The following ARMC2 variants were observed in gnomAD, a reference collection of about 807,000 sequenced individuals.
ARMC2 encodes the protein armadillo repeat containing 2.
In ARMC2, 67 loss-of-function variants were observed where a neutral mutation model predicts 90.3. That is an observed-to-expected ratio of 0.74 (90% CI 0.61 to 0.91). The LOEUF (loss-of-function observed/expected upper bound fraction) is 0.91. Among genes scored for constraint, ARMC2 ranks in the 40% least tolerant of loss-of-function variants. The probability of loss-of-function intolerance (pLI) is 0.00; values close to 1 mark genes in which losing one functional copy is unlikely to be tolerated. For missense variants in ARMC2, 920 were observed against 1,030.9 expected, an observed-to-expected ratio of 0.89 and a Z score of 1.47; for synonymous variants, 393 against 393.0, an observed-to-expected ratio of 1.00 and a Z score of 0.00.
chr6:109,035,510 T>C, the ARMC2 span, among the ~76,000 whole-genome samples: 5 of 151,760 alleles, frequency 3.3e-5, no homozygotes, highest in Non-Finnish European at 7.4e-5. Flanking sequence ...TTCAGGACTC[T>C]TGGGGACAAA....
the ARMC2 span, among the ~76,000 whole-genome samples, chr6:109,022,336 C>T: frequency 6.9e-6 from 1 of 144,988 alleles, no homozygotes; most frequent in East Asian, 2.1e-4. Flanking sequence ...AGAAGCAGGG[C>T]AATGCTATAC....
chr6:108,862,156 C>T (rs1775307969), intron 3 of ARMC2, among the ~76,000 whole-genome samples: 1 of 151,872 alleles, frequency 6.6e-6, no homozygotes, highest in South Asian at 2.1e-4. Context: ...CCAGCCTGGC[C>T]AACATGGTGA....
At chr6:109,044,732 AGCTGAACTCAGCCGGGCGCAGTGGCTCAC>A in the ARMC2 span, among the ~76,000 whole-genome samples, 51 of 152,272 alleles carry the variant, frequency 3.3e-4, no homozygotes, top group African/African-American at 1.2e-3. Flanking sequence ...AAAAATAAAA[AGCTGAACTCAGCCGGGCGCAGTGGCTCAC>A]GCCTGTAATC....
At chr6:109,041,323 T>C in the ARMC2 span, among the ~76,000 whole-genome samples, 1 of 151,612 alleles carries the variant, frequency 6.6e-6, no homozygotes, top group South Asian at 2.1e-4. Flanking sequence ...AAATAATAAT[T>C]TAAAAAAATA....
intron 17 of ARMC2, among the ~76,000 whole-genome samples, chr6:108,966,382 G>A (rs1778375643): frequency 6.6e-6 from 1 of 152,072 alleles, no homozygotes; most frequent in Admixed American, 6.6e-5. Flanking sequence ...CAGATTGCAG[G>A]GTGATAAATG....
chr6:109,051,418 T>A, the ARMC2 span, among the ~76,000 whole-genome samples: 1 of 152,348 alleles, frequency 6.6e-6, no homozygotes, highest in South Asian at 2.1e-4. Flanking sequence ...TGCAACATTG[T>A]ATATTAGTGA....
the ARMC2 span, chr6:108,999,831 A>G: frequency 6.6e-6 from 1 of 152,194 alleles, no homozygotes; most frequent in African/African-American, 2.4e-5. Flanking sequence ...AAACCTATAC[A>G]TGAATGTTTA....
At chr6:108,929,602 C>G (rs1235334380) in intron 11 of ARMC2, among the ~76,000 whole-genome samples, 1 of 152,120 alleles carries the variant, frequency 6.6e-6, no homozygotes, top group African/African-American at 2.4e-5. Flanking sequence ...ACCTCAGCCT[C>G]CCTAGCAGCT....
the ARMC2 span, among the ~76,000 whole-genome samples, chr6:109,012,244 C>CTT: frequency 3.6e-5 from 5 of 138,936 alleles, no homozygotes; most frequent in Non-Finnish European, 6.3e-5. Context: ...TTTGATATTT[C>CTT]TTTTTTTTTT....
In ARMC2 at chr6:108,904,363, T is replaced by A. The variant is rs1301634986; in HGVS notation, c.981T>A (p.Gly327=). ...LKTLCKLVDV[G]SDSLSLKLAK... Reference sequence around the variant, plus strand: ...CCCTGTGTAAACTAGTTGATGTTGGTTCAGACTCGCTCAGCCTTAAACTTG... The same window carrying A: ...CCCTGTGTAAACTAGTTGATGTTGGATCAGACTCGCTCAGCCTTAAACTTG... The change falls in exon 8 of 18, where the codon GGT becomes GGA. Residue 327 remains glycine (G), a synonymous_variant. Coordinates refer to ENST00000392644, the MANE Select transcript of ARMC2 (RefSeq NM_032131.6). 2 of 1,612,774 alleles carry A rather than the reference T, an allele frequency of 1.2e-6. No homozygotes were observed. The highest frequency in any genetic ancestry group is 1.7e-6 in the Non-Finnish European group (2 of 1,179,562).
intron 11 of ARMC2, among the ~76,000 whole-genome samples, chr6:108,933,739 G>C (rs1284450383): frequency 6.6e-6 from 1 of 152,124 alleles, no homozygotes; most frequent in East Asian, 1.9e-4. Context: ...TCCTTGTCTT[G>C]TGCTGGTTTT....
intron 12 of ARMC2, among the ~76,000 whole-genome samples, chr6:108,946,950 G>T (rs753260255): frequency 1.6e-4 from 25 of 152,182 alleles, no homozygotes; most frequent in Non-Finnish European, 3.1e-4. Context: ...GTAATGTGAG[G>T]TAGCAAAGAA....
intron 1 of ARMC2, among the ~76,000 whole-genome samples, chr6:108,849,028 C>T (rs1004902285): frequency 1.3e-5 from 2 of 152,106 alleles, no homozygotes; most frequent in Non-Finnish European, 2.9e-5. Context: ...GAGTGGTAGA[C>T]TAAGGGGCTT....
At chr6:109,046,925 G>C in the ARMC2 span, among the ~76,000 whole-genome samples, 2 of 120,678 alleles carry the variant, frequency 1.7e-5, no homozygotes, top group South Asian at 6.8e-4. Context: ...CTCTCCGCCC[G>C]GCAGCCACCC....
chr6:108,923,604 C>G (rs1295790047), intron 10 of ARMC2, among the ~76,000 whole-genome samples: 1 of 147,404 alleles, frequency 6.8e-6, no homozygotes, highest in Non-Finnish European at 1.5e-5. Context: ...TAGCTAGACT[C>G]TCCTCCCCAC....
chr6:109,025,624 A>G, the ARMC2 span, among the ~76,000 whole-genome samples: 1 of 151,526 alleles, frequency 6.6e-6, no homozygotes, highest in Non-Finnish European at 1.5e-5. Flanking sequence ...GGTGAGAAAC[A>G]GGAAACTATC....
chr6:108,961,758 AAC>A, intron 14 of ARMC2, 64 bp downstream of exon 14: 4 of 1,496,270 alleles, frequency 2.7e-6, no homozygotes, highest in Non-Finnish European at 3.6e-6. Flanking sequence ...TTATTAACTA[AAC>A]ACAGAGCAGG....
intron 16 of ARMC2, 55 bp downstream of exon 16, chr6:108,964,367 T>G: frequency 6.3e-7 from 1 of 1,579,824 alleles, no homozygotes; most frequent in Non-Finnish European, 8.6e-7. Flanking sequence ...GACATCATTT[T>G]CTTGGGAGCT....
chr6:108,868,266 G>T (rs1199502836), intron 3 of ARMC2, among the ~76,000 whole-genome samples: 2 of 152,008 alleles, frequency 1.3e-5, no homozygotes, highest in Non-Finnish European at 2.9e-5. Context: ...ACCCAGGCTG[G>T]AGTGCAGTGG....
Sources: gnomAD v4.1 joint callset for allele counts (sites outside exome capture counted in the v4.1 genomes callset) on GRCh38, gnomAD v4.1.1 for gene constraint, MANE v1.5 for transcripts, NCBI Gene and HGNC (gene_info 2026-07-23, HGNC 2026-07-21) for gene names.